The following PLPP4 variants were observed in gnomAD, a reference collection of about 807,000 sequenced individuals.
PLPP4 encodes the protein diacylglycerol pyrophosphate like 2.
A neutral mutation model predicts 32.2 loss-of-function variants in PLPP4; 20 were observed. The observed-to-expected ratio is 0.62, with a 90% CI of 0.44 to 0.90. The LOEUF is 0.90. Ranked by LOEUF, PLPP4 falls within the 40% of genes least tolerant of loss-of-function variation. PLPP4 has a pLI of 0.00. For synonymous variants in PLPP4, 127 were observed against 133.0 expected (o/e 0.95, Z 0.31); for missense variants, 257 against 353.1 (o/e 0.73, Z 2.18).
intron 5 of PLPP4, among the ~76,000 whole-genome samples, chr10:120,523,266 T>A (rs913101): frequency 0.082 from 12,506 of 151,988 alleles, 906 homozygotes; most frequent in African/African-American, 0.18. Flanking sequence ...TGTGCCAGTG[T>A]ACTCCAGCCT....
intron 6 of PLPP4, among the ~76,000 whole-genome samples, chr10:120,576,709 G>A (rs1849239652): frequency 6.6e-6 from 1 of 152,202 alleles, no homozygotes; most frequent in African/African-American, 2.4e-5. Flanking sequence ...CCCTCCTGAT[G>A]GGGGAGGTCA....
chr10:120,486,440 A>G (rs914914494), intron 1 of PLPP4, among the ~76,000 whole-genome samples: 3 of 152,152 alleles, frequency 2.0e-5, no homozygotes, highest in African/African-American at 7.2e-5. Context: ...TGGCTGCACT[A>G]ATACTGTGTG....
chr10:120,553,618 A>G (rs558134760), intron 5 of PLPP4, among the ~76,000 whole-genome samples: 1 of 152,380 alleles, frequency 6.6e-6, no homozygotes, highest in East Asian at 1.9e-4. Flanking sequence ...TTTGATGGCA[A>G]AGTACATATC....
chr10:120,574,178 T>TA (rs1849095084), intron 5 of PLPP4, among the ~76,000 whole-genome samples: 1 of 85,592 alleles, frequency 1.2e-5, no homozygotes, highest in South Asian at 6.0e-4. Flanking sequence ...ACTCTCTCTC[T>TA]CTCTCTCTCT....
chr10:120,514,698 A>G (rs1049452886), intron 3 of PLPP4, among the ~76,000 whole-genome samples: 3 of 152,198 alleles, frequency 2.0e-5, no homozygotes, highest in Admixed American at 6.5e-5. Flanking sequence ...GCATTAAGAG[A>G]TAGCCAAAAC....
chr10:120,512,050 C>T (rs1845749512), intron 2 of PLPP4, among the ~76,000 whole-genome samples: 1 of 151,856 alleles, frequency 6.6e-6, no homozygotes, highest in Non-Finnish European at 1.5e-5. Context: ...GCCGAGATCG[C>T]ACCACTGCAC....
chr10:120,521,550 C>T (rs994371471), intron 5 of PLPP4, among the ~76,000 whole-genome samples: 3 of 152,138 alleles, frequency 2.0e-5, no homozygotes, highest in African/African-American at 7.2e-5. Context: ...TCCCCCATGC[C>T]TCCAGTTTAT....
chr10:120,548,405 G>A (rs1847734968), intron 5 of PLPP4, among the ~76,000 whole-genome samples: 1 of 152,162 alleles, frequency 6.6e-6, no homozygotes, highest in African/African-American at 2.4e-5. Context: ...CAAAGGACAT[G>A]ATCTCATTCT....
chr10:120,584,559 A>G (rs946567359), intron 6 of PLPP4, among the ~76,000 whole-genome samples: 3 of 152,180 alleles, frequency 2.0e-5, no homozygotes, highest in Non-Finnish European at 4.4e-5. Context: ...AGATCCATTT[A>G]TTTCCCTTTT....
intron 5 of PLPP4, among the ~76,000 whole-genome samples, chr10:120,529,186 G>A (rs1846578025): frequency 2.3e-5 from 1 of 43,944 alleles, no homozygotes; most frequent in East Asian, 5.2e-4. Context: ...ACAAGTGTGC[G>A]TGTGTGTGTG....
intron 5 of PLPP4, among the ~76,000 whole-genome samples, chr10:120,568,909 G>C (rs904017469): frequency 1.3e-5 from 2 of 152,126 alleles, no homozygotes; most frequent in African/African-American, 4.8e-5. Context: ...GTGTGGGGTG[G>C]ACAGTGGAGC....
intron 5 of PLPP4, among the ~76,000 whole-genome samples, chr10:120,523,036 G>A (rs920045362): frequency 1.3e-5 from 2 of 152,178 alleles, no homozygotes; most frequent in Non-Finnish European, 2.9e-5. Flanking sequence ...AGTGGCTCAC[G>A]CCTGTAATCC....
intron 1 of PLPP4, among the ~76,000 whole-genome samples, chr10:120,485,358 T>C (rs1372455187): frequency 6.6e-6 from 1 of 152,242 alleles, no homozygotes; most frequent in Non-Finnish European, 1.5e-5. Flanking sequence ...GAGCTGAGCC[T>C]CTGCATTAGG....
rs1268138561 is a variant in PLPP4 at position 120,477,243 on chromosome 10, A to AAAAAAAAAAG, written c.56+19886_56+19887insAAAAAGAAAA. Among the ~76,000 whole-genome samples, 20 of 12,420 alleles carry AAAAAAAAAAG rather than the reference A, an allele frequency of 1.6e-3. No individual in the cohort carries two copies. In the South Asian group the frequency reaches 0.042, roughly 26 times the overall value. 8.1% of individuals were successfully genotyped at this position (12,420 alleles called of 152,430 possible). ...GCTTTGAATTAATCCAGAACGGTTC[A>AAAAAAAAAAG]AAAAGAAAAGAAAAAAAACCTTCTC... is the stretch of plus-strand genomic sequence containing the variant. On this transcript the variant is annotated intron_variant, in intron 1 of 6. Coordinates refer to ENST00000398250, the MANE Select transcript of PLPP4 (RefSeq NM_001030059.3).
intron 5 of PLPP4, among the ~76,000 whole-genome samples, chr10:120,574,168 A>ACACACACACACACACACACACACTCT (rs1849090021): frequency 2.1e-5 from 1 of 47,090 alleles, no homozygotes; most frequent in Non-Finnish European, 4.1e-5. Flanking sequence ...ACACACACAC[A>ACACACACACACACACACACACACTCT]CTCTCTCTCT....
chr10:120,518,781 T>C, intron 3 of PLPP4, 52 bp from the exon 4 acceptor site: 1 of 1,436,058 alleles, frequency 7.0e-7, no homozygotes, highest in South Asian at 1.2e-5. Flanking sequence ...GATGATGATT[T>C]TGATTTAAGA....
At chr10:120,576,918 A>T (rs1473926933) in intron 6 of PLPP4, among the ~76,000 whole-genome samples, 2 of 152,322 alleles carry the variant, frequency 1.3e-5, no homozygotes, top group African/African-American at 4.8e-5. Flanking sequence ...GAGTTAGGGC[A>T]TTTCCCCATG....
chr10:120,463,574 C>T (rs1156625363), intron 1 of PLPP4, among the ~76,000 whole-genome samples: 3 of 152,176 alleles, frequency 2.0e-5, no homozygotes, highest in Middle Eastern at 6.3e-3. Context: ...GGTAACTTCT[C>T]GCCACCCTTG....
intron 1 of PLPP4, among the ~76,000 whole-genome samples, chr10:120,471,553 C>T (rs1848517516): frequency 6.6e-6 from 1 of 151,940 alleles, no homozygotes; most frequent in Admixed American, 6.6e-5. Flanking sequence ...TAATATGTTA[C>T]TACATTATAT....
Sources: allele counts gnomAD v4.1 joint callset (sites outside exome capture counted in the v4.1 genomes callset), GRCh38; gene constraint gnomAD v4.1.1; transcripts MANE v1.5; gene names NCBI Gene and HGNC (gene_info 2026-07-23, HGNC 2026-07-21).